The following PSD3 variants were observed in gnomAD, a reference collection of about 807,000 sequenced individuals.
PSD3 encodes PH and SEC7 domain-containing protein 3.
In PSD3, 49 loss-of-function variants were observed where a neutral mutation model predicts 105.5. The observed-to-expected ratio is 0.46, with a 90% CI of 0.37 to 0.59. The LOEUF (loss-of-function observed/expected upper bound fraction) is 0.59. Among genes scored for constraint, PSD3 ranks in the 20% least tolerant of loss-of-function variants. PSD3 has a pLI of 0.00. For missense variants in PSD3, 1,561 were observed against 1,263.8 expected (o/e 1.24, Z -3.57); for synonymous variants, 557 against 457.8 (o/e 1.22, Z -2.77).
rs1799797938 is a variant in PSD3, at chr8:18,535,427, C to T, written c.*316G>A. ...AAGTTTAACAGTTGATATGAGAATA[C>T]ATAAAACAACTGAGCAGACTGCAAA... On this transcript the variant is annotated 3_prime_UTR_variant, in exon 16 of 16. Transcript: ENST00000327040. 6.5e-5 allele frequency: 20 copies of T among 307,328 alleles called. 1 individual carries two copies. In the South Asian group the frequency reaches 1.0e-3, roughly 16 times the overall value. 19.0% of individuals were successfully genotyped at this position (307,328 alleles called of 1,614,324 possible).
chr8:18,705,643 T>C (rs957795174), intron 9 of PSD3, among the ~76,000 whole-genome samples: 4 of 151,824 alleles, frequency 2.6e-5, no homozygotes, highest in African/African-American at 9.7e-5. Context: ...TATGTAAAGA[T>C]CTTTTTAGTA....
chr8:18,665,764 C>G (rs7841192), intron 9 of PSD3, among the ~76,000 whole-genome samples: 2 of 152,108 alleles, frequency 1.3e-5, no homozygotes, highest in Admixed American at 1.3e-4. Context: ...GGTGAGAAGA[C>G]TGTTTGAGCC....
intron 4 of PSD3, among the ~76,000 whole-genome samples, chr8:18,821,176 C>CTTT (rs5889826): frequency 2.9e-4 from 43 of 147,504 alleles, no homozygotes; most frequent in Admixed American, 8.0e-4. Context: ...TTTTGAAATT[C>CTTT]TTTTTTTTTT....
chr8:18,810,582 C>G (rs1811606818), intron 4 of PSD3, among the ~76,000 whole-genome samples: 2 of 152,040 alleles, frequency 1.3e-5, no homozygotes, highest in Non-Finnish European at 2.9e-5. Context: ...GGTAATAAAA[C>G]TAGGACCAAA....
chr8:18,880,613 TCTC>T (rs767427506), intron 2 of PSD3, among the ~76,000 whole-genome samples: 4 of 152,278 alleles, frequency 2.6e-5, no homozygotes, highest in South Asian at 4.1e-4. Context: ...ATGCCCATCA[TCTC>T]CTCATCTCCT....
intron 9 of PSD3, among the ~76,000 whole-genome samples, chr8:18,706,470 G>C (rs930017883): frequency 2.6e-5 from 4 of 152,132 alleles, no homozygotes; most frequent in Non-Finnish European, 5.9e-5. Flanking sequence ...ATTCTAACTT[G>C]ACTGAGTCAT....
chr8:18,702,843 A>C (rs1025558291), intron 9 of PSD3, among the ~76,000 whole-genome samples: 1 of 151,448 alleles, frequency 6.6e-6, no homozygotes, highest in East Asian at 2.0e-4. Flanking sequence ...CGATCTCCTG[A>C]CCTCATGATC....
chr8:18,846,671 A>C (rs982665696), intron 4 of PSD3, among the ~76,000 whole-genome samples: 2 of 152,208 alleles, frequency 1.3e-5, no homozygotes, highest in Non-Finnish European at 2.9e-5. Context: ...AGTGCTGTGC[A>C]GAAATTAAAA....
At chr8:18,593,201 A>G (rs1803741627) in intron 12 of PSD3, among the ~76,000 whole-genome samples, 1 of 152,206 alleles carries the variant, frequency 6.6e-6, no homozygotes, top group African/African-American at 2.4e-5. Context: ...ACAGAATGGG[A>G]GAAAATTTTT....
intron 4 of PSD3, chr8:18,865,217 T>G (rs1181430237): frequency 9.9e-6 from 1 of 101,052 alleles, no homozygotes; most frequent in Non-Finnish European, 1.9e-5. Flanking sequence ...GGAATACAGA[T>G]TCTATGTTAT....
chr8:18,679,544 C>T (rs899614999), intron 9 of PSD3, among the ~76,000 whole-genome samples: 4 of 152,146 alleles, frequency 2.6e-5, no homozygotes, highest in African/African-American at 7.2e-5. Flanking sequence ...TTTAAGGTTC[C>T]TTCCACAGAG....
chr8:18,782,523 G>C (rs1196091287), intron 8 of PSD3, among the ~76,000 whole-genome samples: 1 of 152,162 alleles, frequency 6.6e-6, no homozygotes, highest in African/African-American at 2.4e-5. Context: ...CTAGTGAAAG[G>C]GACATCAGGC....
At chr8:18,691,969 T>C (rs1800994798) in intron 9 of PSD3, among the ~76,000 whole-genome samples, 1 of 152,240 alleles carries the variant, frequency 6.6e-6, no homozygotes, top group South Asian at 2.1e-4. Flanking sequence ...TCCTCTAAAA[T>C]TACCAACATT....
rs527496732 is a variant in PSD3 at position 19,067,525 on chromosome 8, G to A, written c.324+16681C>T. Among the ~76,000 whole-genome samples the A allele has an allele frequency of 5.3e-5, 8 of 152,258 alleles. No individual in the cohort carries two copies. The East Asian group carries it at 5.8e-4, about 11-fold the overall frequency. On this transcript the variant is annotated intron_variant, in intron 1 of 1. Coordinates refer to the PSD3 transcript ENST00000521475. ...GATCATAACTCTCTGAGTATAACTC[G>A]AACAGCTTGTGAAAGGATGGGAAAT... is the stretch of plus-strand genomic sequence containing the variant.
At chr8:18,981,580 G>T (rs761702286) in intron 1 of PSD3, among the ~76,000 whole-genome samples, 2 of 152,168 alleles carry the variant, frequency 1.3e-5, no homozygotes, top group Non-Finnish European at 2.9e-5. Flanking sequence ...GCATACTCTG[G>T]AGATTGTGTG....
intron 9 of PSD3, among the ~76,000 whole-genome samples, chr8:18,752,617 A>ATTATATATTATATATTATATATAATAC: frequency 1.4e-5 from 1 of 71,836 alleles, no homozygotes; most frequent in Non-Finnish European, 2.4e-5. Context: ...TAATACATAT[A>ATTATATATTATATATTATATATAATAC]ATATATATTA....
chr8:18,678,513 T>C (rs1354422690), intron 9 of PSD3, among the ~76,000 whole-genome samples: 1 of 152,252 alleles, frequency 6.6e-6, no homozygotes, highest in Admixed American at 6.5e-5. Context: ...CTGCAAATAC[T>C]ACATAAGAGT....
At chr8:18,620,675 AC>A (rs1346913569) in intron 11 of PSD3, among the ~76,000 whole-genome samples, 1 of 152,220 alleles carries the variant, frequency 6.6e-6, no homozygotes, top group African/African-American at 2.4e-5. Context: ...ACACCACTGC[AC>A]TATGGCCTGG....
chr8:18,566,193 C>T (rs17126816), intron 14 of PSD3, among the ~76,000 whole-genome samples: 2,633 of 152,136 alleles, frequency 0.017, 79 homozygotes, highest in African/African-American at 0.06. Context: ...TAGAAACAAA[C>T]CTTATGACTC....
Sources: gnomAD v4.1 joint callset for allele counts (sites outside exome capture counted in the v4.1 genomes callset) on GRCh38, gnomAD v4.1.1 for gene constraint, MANE v1.5 for transcripts, NCBI Gene and HGNC (gene_info 2026-07-23, HGNC 2026-07-21) for gene names.